The following UBR4 variants were observed in gnomAD, a reference collection of about 807,000 sequenced individuals.
UBR4 encodes ubiquitin protein ligase E3 component n-recognin 4.
In UBR4, 124 loss-of-function variants were observed where a neutral mutation model predicts 575.6. That is an observed-to-expected ratio of 0.22 (90% CI 0.19 to 0.25). The LOEUF (loss-of-function observed/expected upper bound fraction) is 0.25, where lower values mean the gene tolerates loss of function less well. UBR4 is among the 10% of genes least tolerant of loss of function. The probability of loss-of-function intolerance (pLI) is 1.00; values close to 1 mark genes in which losing one functional copy is unlikely to be tolerated. For synonymous variants in UBR4, 2,455 were observed against 2,473.7 expected (o/e 0.99, Z 0.22); for missense variants, 4,818 against 6,478.8 (o/e 0.74, Z 8.80).
chr1:19,139,138 A>G lies in UBR4; in HGVS notation c.8676T>C (p.Ser2892=). The G allele has an allele frequency of 6.2e-7, 1 of 1,613,778 alleles. No individual in the cohort carries two copies. Among genetic ancestry groups the G allele is most frequent in the Non-Finnish European group, 8.5e-7 (1 of 1,179,814 alleles). Residue 2892 remains serine (S), a synonymous_variant, in exon 59 of 106, where the codon AGT becomes AGC. Transcript: ENST00000375254. The surrounding 1 kb of genome is among the most constrained non-coding windows in gnomAD (Gnocchi z 4.2). ...LRTSPADHGG[S]VGSESGGSAV... is the part of the protein sequence containing the mutation. ...CACTGCCCCCGCTCTCCGAGCCCAC[A>G]CTACCACCGTGGTCAGCAGGAGAGG...
chr1:19,141,185 C>T (rs544170194), intron 57 of UBR4, among the ~76,000 whole-genome samples, 162 bp downstream of exon 57: 1 of 152,356 alleles, frequency 6.6e-6, no homozygotes, highest in Admixed American at 6.5e-5. Context: ...ATTCCCACCA[C>T]ATCCCTCTCA....
chr1:19,177,709 C>T lies in UBR4; in HGVS notation c.2389G>A (p.Gly797Ser), dbSNP rs1177094539. 6.2e-7 allele frequency: 1 copy of T among 1,613,952 alleles called. No individual in the cohort carries two copies. Among genetic ancestry groups the T allele is most frequent in the East Asian group, 2.2e-5 (1 of 44,850 alleles). The change falls in exon 19 of 106, where the codon GGT (glycine) becomes AGT (serine). Residue 797 changes from glycine to serine, a missense_variant. By Grantham distance (56) the Gly-to-Ser change is moderately conservative (BLOSUM62 0). This residue lies in a region of UBR4 where 1,172 missense variants were observed against 1,259.7 expected (regional missense o/e 0.93). Coordinates refer to ENST00000375254, the MANE Select transcript of UBR4 (RefSeq NM_020765.3). The part of the protein sequence containing the change: ...LSTMKQNALQ[G>S]VVPSETEDLN... ...TCCTCTGTCTCACTGGGCACCACAC[C>T]TTGCAGGGCATTCTGCTTCATTGTA... is the stretch of plus-strand genomic sequence containing the variant.
At chr1:19,137,897 A>C (rs1390448105) in intron 60 of UBR4, 110 bp downstream of exon 60, 1 of 1,180,554 alleles carries the variant, frequency 8.5e-7, no homozygotes, top group Non-Finnish European at 1.1e-6. Flanking sequence ...TATATTTCAA[A>C]AGAAATATGC....
chr1:19,161,987 G>T, intron 35 of UBR4, 90 bp from the exon 36 acceptor site: 1 of 1,455,906 alleles, frequency 6.9e-7, no homozygotes. Flanking sequence ...CCTATGGCGG[G>T]GTGAATAGTT....
In UBR4 at chr1:19,137,685, T is replaced by C. The variant is rs998645066; in HGVS notation, c.8906+322A>G. Among the ~76,000 whole-genome samples, 6 of 152,112 alleles carry C rather than the reference T, an allele frequency of 3.9e-5. 1 individual carries two copies. Among genetic ancestry groups the C allele is most frequent in the African/African-American group, 7.2e-5 (3 of 41,428 alleles). On this transcript the variant is annotated intron_variant, in intron 60 of 105. Coordinates refer to ENST00000375254, the MANE Select transcript of UBR4 (RefSeq NM_020765.3). ...TGTAAAGAGGATGCCATATATTGAGTGTACAGATATTGATGAAACTGGAAA... is the reference window on the plus strand; with the variant it reads ...TGTAAAGAGGATGCCATATATTGAGCGTACAGATATTGATGAAACTGGAAA...
chr1:19,198,774 T>A, intron 4 of UBR4, 25 bp downstream of exon 4: 1 of 1,614,036 alleles, frequency 6.2e-7, no homozygotes, highest in East Asian at 2.2e-5. Context: ...GGTCATGTGA[T>A]CAGATCTGTC....
In UBR4 at chr1:19,110,672, G is replaced by A. The variant is rs1397956035; in HGVS notation, c.11892+70C>T. 3 of 1,543,710 alleles carry A rather than the reference G, an allele frequency of 1.9e-6. No individual in the cohort carries two copies. The highest frequency in any genetic ancestry group is 2.7e-6 in the Non-Finnish European group (3 of 1,117,366). The stretch of plus-strand genomic sequence containing the variant: ...CTCAGTCACCGCAGGACCTGGGAGG[G>A]GAAGCTGAGAAACACAAGGCATGTG... On this transcript the variant is annotated intron_variant, in intron 79 of 105. Coordinates refer to ENST00000375254, the MANE Select transcript of UBR4 (RefSeq NM_020765.3). The surrounding 1 kb of genome is among the most constrained non-coding windows in gnomAD (Gnocchi z 4.5).
At position 19,210,175 on chromosome 1, in the gene UBR4, G is replaced by C. The variant is rs1402627901; in HGVS notation, c.74C>G (p.Thr25Arg). ...CACAGCCACCTCCCAGCCCGGGGTC[G>C]TGTCCGCCCCCGTTGCCGGGGTCCC... ...APGTPATGADTTPGWEVAVRP... is the reference protein window; with the variant it reads ...APGTPATGADRTPGWEVAVRP... The change falls in exon 1 of 106, where the codon ACG (threonine) becomes AGG (arginine). Residue 25 changes from threonine to arginine, a missense_variant. Transcript: ENST00000375254. 3 of 1,522,836 alleles carry C rather than the reference G, an allele frequency of 2.0e-6. No homozygotes were observed. Among genetic ancestry groups the C allele is most frequent in the Non-Finnish European group, 2.6e-6 (3 of 1,141,134 alleles). 94.3% of individuals were successfully genotyped at this position (1,522,836 alleles called of 1,614,324 possible). A position where few individuals can be genotyped will look rare whatever the true frequency, so the allele number is the denominator to read the frequency against.
At chr1:19,128,020 T>C (rs986683602) in intron 62 of UBR4, among the ~76,000 whole-genome samples, 191 bp downstream of exon 62, 1 of 152,196 alleles carries the variant, frequency 6.6e-6, no homozygotes, top group African/African-American at 2.4e-5. Flanking sequence ...CCCTCAACTA[T>C]GCTCAGGGTC....
chr1:19,187,618 C>T (rs1360234595), intron 11 of UBR4, 78 bp from the exon 12 acceptor site: 1 of 1,463,388 alleles, frequency 6.8e-7, no homozygotes, highest in East Asian at 2.4e-5. Flanking sequence ...TGGATCTTGC[C>T]ATTTTGGGGT....
chr1:19,151,908 T>C, intron 47 of UBR4, 49 bp from the exon 48 acceptor site: 1 of 1,474,334 alleles, frequency 6.8e-7, no homozygotes, highest in Non-Finnish European at 9.1e-7. Flanking sequence ...GTTCTTAAGT[T>C]TTAACTAGGA....
chr1:19,162,717 G>C lies in UBR4; in HGVS notation c.4765-106C>G, dbSNP rs901662882. On this transcript the variant is annotated intron_variant, in intron 34 of 105. Transcript: ENST00000375254. The stretch of plus-strand genomic sequence containing the variant: ...AAGCTCAAGATCAGAGAAATGGTAT[G>C]AGAGCAGAGAAGAAAAACAGTGTGT... 6.1e-6 allele frequency: 8 copies of C among 1,317,734 alleles called. No homozygotes were observed. In the Admixed American group the frequency reaches 1.7e-4, roughly 28 times the overall value. The allele number at this position is 1,317,734 out of a possible 1,614,324, so 81.6% of individuals were successfully genotyped here.
At position 19,100,289 on chromosome 1, in the gene UBR4, G is replaced by T; in HGVS notation, c.13221+87C>A. On this transcript the variant is annotated intron_variant, in intron 89 of 105. Transcript: ENST00000375254. The surrounding 1 kb of genome is among the most constrained non-coding windows in gnomAD (Gnocchi z 4.2). The stretch of plus-strand genomic sequence containing the variant: ...AAGGCCACCTGCCCCAAGTTAATCA[G>T]CTACTAGGAAGAAGCACCTGGATTT... 1 of 1,469,406 alleles carries T rather than the reference G, an allele frequency of 6.8e-7. No individual in the cohort carries two copies. Among genetic ancestry groups the T allele is most frequent in the Non-Finnish European group, 9.4e-7 (1 of 1,059,758 alleles). 91.0% of individuals were successfully genotyped at this position (1,469,406 alleles called of 1,614,324 possible).
At position 19,120,190 on chromosome 1, in the gene UBR4, G is replaced by A; in HGVS notation, c.10300C>T (p.His3434Tyr). The A allele has an allele frequency of 1.9e-6, 3 of 1,614,096 alleles. No homozygotes were observed. Among genetic ancestry groups the A allele is most frequent in the Non-Finnish European group, 2.5e-6 (3 of 1,179,970 alleles). The change falls in exon 69 of 106, where the codon CAC becomes TAC. Residue 3434 changes from histidine (H) to tyrosine (Y), a missense_variant. His to Tyr is a moderately conservative substitution (Grantham distance 83, BLOSUM62 2). Transcript: ENST00000375254. The stretch of plus-strand genomic sequence containing the variant: ...AAGCCCTGGCCCTACCTGTAGATGT[G>A]CAGTGTCAGACAGTGGGCCTGCCAG... ...VRWQAHCLTL[H>Y]IYRNSSKSQQ...
chr1:19,148,482 C>T (rs182756680), intron 50 of UBR4, 81 bp downstream of exon 50: 9 of 1,524,256 alleles, frequency 5.9e-6, no homozygotes, highest in East Asian at 2.2e-5. Flanking sequence ...TCTTTAGCTT[C>T]GAGGCCTCAG....
chr1:19,186,958 C>G (rs1404441110), intron 13 of UBR4, among the ~76,000 whole-genome samples: 1 of 151,870 alleles, frequency 6.6e-6, no homozygotes, highest in African/African-American at 2.4e-5. Context: ...ATAACTGATT[C>G]AAATGTTTGG....
In UBR4 at chr1:19,157,485, C is replaced by T. The variant is rs1571239444; in HGVS notation, c.5760+330G>A. Reference sequence around the variant, plus strand: ...AAACTTTTGTCTCTCAGCTTATGCCCGCCAGAGTGACCAAACAGGGCAAGA... The same window carrying T: ...AAACTTTTGTCTCTCAGCTTATGCCTGCCAGAGTGACCAAACAGGGCAAGA... On this transcript the variant is annotated intron_variant, in intron 40 of 105. Transcript: ENST00000375254. This position sits in a 1 kb window ranked among gnomAD's most constrained non-coding sequence, Gnocchi z 4.4. 6.6e-6 allele frequency among the ~76,000 whole-genome samples: 1 copy of T among 152,194 alleles called. No individual in the cohort carries two copies. Among genetic ancestry groups the T allele is most frequent in the African/African-American group, 2.4e-5 (1 of 41,446 alleles).
intron 11 of UBR4, among the ~76,000 whole-genome samples, chr1:19,189,570 T>TATATA (rs2091878088): frequency 6.6e-6 from 1 of 152,200 alleles, no homozygotes; most frequent in African/African-American, 2.4e-5. Flanking sequence ...TATATATATT[T>TATATA]TATATGTGCA....
Position 19,088,372 on chromosome 1 carries a change from C to T in UBR4, c.14430+387G>A, listed in dbSNP as rs765014808. Among the ~76,000 whole-genome samples the T allele has an allele frequency of 6.6e-6, 1 of 152,212 alleles. No individual in the cohort carries two copies. The highest frequency in any genetic ancestry group is 6.5e-5 in the Admixed American group (1 of 15,282). Reference sequence around the variant, plus strand: ...CCAAGGTGGGACAGTTAGAAGAGCACAGAACCCTTTGTGTCAACCACTTAT... The same window carrying T: ...CCAAGGTGGGACAGTTAGAAGAGCATAGAACCCTTTGTGTCAACCACTTAT... On this transcript the variant is annotated intron_variant, in intron 98 of 105. Transcript: ENST00000375254. This position sits in a 1 kb window ranked among gnomAD's most constrained non-coding sequence, Gnocchi z 4.0.
Sources: gnomAD v4.1 joint callset for allele counts (sites outside exome capture counted in the v4.1 genomes callset) on GRCh38, gnomAD v4.1.1 for gene constraint, gnomAD v4.1.1 regional missense constraint, Gnocchi (gnomAD v3.1) non-coding constraint, MANE v1.5 for transcripts, NCBI Gene and HGNC (gene_info 2026-07-23, HGNC 2026-07-21) for gene names.